The following DHRS4L2 variants were observed in gnomAD, a reference collection of about 807,000 sequenced individuals.
DHRS4L2 encodes dehydrogenase/reductase SDR family member 4-like 2.
DHRS4L2 carries 22 observed loss-of-function variants against 23.9 expected under a neutral mutation model. The observed-to-expected ratio is 0.92, with a 90% CI of 0.66 to 1.31. The LOEUF is 1.31. Among genes scored for constraint, DHRS4L2 ranks in the 40% most tolerant of loss-of-function variants. The pLI is 0.00. For missense variants in DHRS4L2, 385 were observed against 303.3 expected, an observed-to-expected ratio of 1.27 and a Z score of -2.00; for synonymous variants, 141 against 123.7, an observed-to-expected ratio of 1.14 and a Z score of -0.93.
At chr14:23,986,024 A>AT (rs1394389523), upstream of DHRS4L2, among the ~76,000 whole-genome samples, 2 of 151,330 alleles carry the variant, frequency 1.3e-5, no homozygotes, top group African/African-American at 2.4e-5. Context: ...CACCCGGCTC[A>AT]TTTTTTTATT....
At chr14:23,985,320 C>T (rs1471306346), upstream of DHRS4L2, among the ~76,000 whole-genome samples, 1 of 151,600 alleles carries the variant, frequency 6.6e-6, no homozygotes, top group Non-Finnish European at 1.5e-5. Flanking sequence ...AAGCACTTAA[C>T]ACTTGCCAGC....
At chr14:24,001,619 C>T in intron 6 of DHRS4L2, 102 bp downstream of exon 6, 1 of 1,503,176 alleles carries the variant, frequency 6.7e-7, no homozygotes, top group Non-Finnish European at 8.9e-7. Context: ...TCAGCCACTC[C>T]ATTCTCCTTC....
At chr14:23,985,067 TC>T (rs2034116599), upstream of DHRS4L2, among the ~76,000 whole-genome samples, 1 of 151,314 alleles carries the variant, frequency 6.6e-6, no homozygotes, top group African/African-American at 2.4e-5. Context: ...AACAGTAGTC[TC>T]CAGAGGTTCC....
At position 23,972,926 on chromosome 14, in the gene DHRS4L2, A is replaced by G. The variant is rs373765809; in HGVS notation, c.-176+2594A>G. Among the ~76,000 whole-genome samples, 82 of 152,068 alleles carry G rather than the reference A, an allele frequency of 5.4e-4. No homozygotes were observed. In the East Asian group the frequency reaches 0.013, roughly 23 times the overall value. ...CCAGATTTATGTTTCTCTCCACCCA[A>G]ACATGTCGGTGGAGTAAAGAATAAC... On this transcript the variant is annotated intron_variant, in intron 1 of 5. Transcript: ENST00000534993.
intron 1 of DHRS4L2, among the ~76,000 whole-genome samples, chr14:23,971,509 T>C (rs148075994): frequency 3.3e-4 from 50 of 152,040 alleles, no homozygotes; most frequent in African/African-American, 9.9e-4. Flanking sequence ...ATCACAAAGA[T>C]ACTCCTTGAG....
chr14:23,995,264 G>A, intron 3 of DHRS4L2, 131 bp downstream of exon 3: 2 of 1,067,418 alleles, frequency 1.9e-6, no homozygotes, highest in Non-Finnish European at 2.8e-6. Context: ...CACACACCTG[G>A]AGCACACCTT....
Position 24,004,383 on chromosome 14 carries a change from G to A in DHRS4L2, c.*13G>A, listed in dbSNP as rs370281061. The stretch of plus-strand genomic sequence containing the variant: ...GAGGAAAGCATGAAAGAAACCCTGC[G>A]GATAAGAAGGTAAACTGTCATGAGG... On this transcript the variant is annotated 3_prime_UTR_variant, in exon 7 of 8. Transcript: ENST00000335125. The A allele has an allele frequency of 2.0e-4, 316 of 1,603,134 alleles. 7 individuals are homozygous for A. The Middle Eastern group carries it at 5.6e-3, about 29-fold the overall frequency.
chr14:23,981,493 C>G (rs1044569183), intron 1 of DHRS4L2, among the ~76,000 whole-genome samples: 7 of 151,628 alleles, frequency 4.6e-5, no homozygotes, highest in Admixed American at 4.6e-4. Context: ...GCCCATATAG[C>G]TGAAGGGGGC....
At chr14:23,994,606 T>A (rs1014115245) in intron 2 of DHRS4L2, among the ~76,000 whole-genome samples, 10 of 151,688 alleles carry the variant, frequency 6.6e-5, no homozygotes, top group African/African-American at 2.4e-4. Context: ...GAGGATGGCT[T>A]GAACCCAGTA....
chr14:23,992,863 T>G (rs901829426), intron 2 of DHRS4L2, among the ~76,000 whole-genome samples: 8 of 146,072 alleles, frequency 5.5e-5, no homozygotes, highest in Admixed American at 4.8e-4. Context: ...TTTTTAAATT[T>G]TTTGTAGAGT....
rs189913915 is a variant in DHRS4L2, at chr14:23,990,036, C to G, written c.129-146C>G. On this transcript the variant is annotated intron_variant, in intron 1 of 7. Coordinates refer to ENST00000335125, the MANE Select transcript of DHRS4L2 (RefSeq NM_198083.4). Reference sequence around the variant, plus strand: ...TGCTAAAAATGGCCATGCCATTAAGCCTGTTTTACACATAGTAGGCACACG... The same window carrying G: ...TGCTAAAAATGGCCATGCCATTAAGGCTGTTTTACACATAGTAGGCACACG... 3,243 of 1,306,860 alleles carry G rather than the reference C, an allele frequency of 2.5e-3. 31 individuals carry two copies. The highest frequency in any genetic ancestry group is 3.1e-3 in the Non-Finnish European group (2,963 of 963,986). The allele number at this position is 1,306,860 out of a possible 1,614,324, so 81.0% of individuals were successfully genotyped here.
At chr14:23,986,328 G>A (rs372640401), upstream of DHRS4L2, among the ~76,000 whole-genome samples, 6 of 151,414 alleles carry the variant, frequency 4.0e-5, no homozygotes, top group South Asian at 1.0e-3. Context: ...TGGACACAGG[G>A]TGGGGAACAT....
intron 1 of DHRS4L2, among the ~76,000 whole-genome samples, chr14:23,973,502 A>C (rs1418727852): frequency 6.6e-6 from 1 of 151,930 alleles, no homozygotes; most frequent in Non-Finnish European, 1.5e-5. Flanking sequence ...AGGAGGTGCC[A>C]AGAGTGAGCG....
chr14:23,971,239 A>C (rs1282208054), intron 1 of DHRS4L2, among the ~76,000 whole-genome samples: 1 of 152,032 alleles, frequency 6.6e-6, no homozygotes. Context: ...ATTACAAGGA[A>C]GCTAAAAACC....
intron 1 of DHRS4L2, chr14:23,970,447 T>C (rs931122708): frequency 8.5e-6 from 3 of 354,476 alleles, no homozygotes; most frequent in African/African-American, 6.5e-5. Context: ...ATGATCACAG[T>C]GTAAACAAAG....
At chr14:23,993,470 CA>C (rs2034310589) in intron 2 of DHRS4L2, among the ~76,000 whole-genome samples, 1 of 151,516 alleles carries the variant, frequency 6.6e-6, no homozygotes, top group Non-Finnish European at 1.5e-5. Context: ...CTCTCTGTGC[CA>C]AATCCAGAGC....
Position 23,990,320 on chromosome 14 carries a change from T to C in DHRS4L2, c.267T>C (p.His89=), listed in dbSNP as rs563512511. ...TGAGCGTGACGGGCACTGTGTGCCA[T>C]GTGGGGAAGGCGGAGGACCGGGAGC... The part of the protein sequence containing the change: ...EGLSVTGTVC[H]VGKAEDRERL... The change falls in exon 2 of 8, where the codon CAT becomes CAC. Residue 89 remains histidine, a synonymous_variant. Coordinates refer to ENST00000335125, the MANE Select transcript of DHRS4L2 (RefSeq NM_198083.4). 13 of 1,612,014 alleles carry C rather than the reference T, an allele frequency of 8.1e-6. No individual in the cohort carries two copies. Among genetic ancestry groups the C allele is most frequent in the South Asian group, 6.6e-5 (6 of 90,830 alleles).
exon 1 of DHRS4L2, chr14:23,970,080 C>CGGCA (rs2033817527): frequency 2.2e-6 from 1 of 456,334 alleles, no homozygotes; most frequent in African/African-American, 2.0e-5. Flanking sequence ...GCAGCAGCCT[C>CGGCA]GGCAGTAGGG....
At chr14:23,983,474 C>T (rs1271322794) in intron 1 of DHRS4L2, among the ~76,000 whole-genome samples, 5 of 151,564 alleles carry the variant, frequency 3.3e-5, no homozygotes, top group African/African-American at 1.2e-4. Context: ...ACAGTGTGAC[C>T]ATTCCTCAAA....
Sources: gnomAD v4.1 joint callset for allele counts (sites outside exome capture counted in the v4.1 genomes callset) on GRCh38, gnomAD v4.1.1 for gene constraint, MANE v1.5 for transcripts, NCBI Gene and HGNC (gene_info 2026-07-23, HGNC 2026-07-21) for gene names.